GOLGA8B: variants seen among roughly 807,000 people sequenced by gnomAD.
The protein encoded by GOLGA8B is golgin A8 family member B.
GOLGA8B carries 1 observed loss-of-function variant against 15.6 expected under a neutral mutation model. The ratio of observed to expected loss-of-function variants is 0.06; its 90% CI spans 0.02 to 0.30. The LOEUF (loss-of-function observed/expected upper bound fraction) is 0.30, where lower values mean the gene tolerates loss of function less well. GOLGA8B is among the 10% of genes least tolerant of loss of function. The pLI, the probability that GOLGA8B is intolerant of heterozygous loss-of-function variation, is 1.00. For synonymous variants in GOLGA8B, 9 were observed against 80.3 expected, an observed-to-expected ratio of 0.11 and a Z score of 4.75; for missense variants, 17 against 201.3, an observed-to-expected ratio of 0.08 and a Z score of 5.54.
intron 1 of GOLGA8B, among the ~76,000 whole-genome samples, chr15:34,581,208 G>C (rs907059723): frequency 2.6e-5 from 4 of 152,352 alleles, no homozygotes; most frequent in Middle Eastern, 3.4e-3. Flanking sequence ...AGGTATGCGT[G>C]GCAGAGGACA....
chr15:34,572,057 A>G (rs77133220), intron 1 of GOLGA8B, among the ~76,000 whole-genome samples: 1 of 152,264 alleles, frequency 6.6e-6, no homozygotes, highest in Non-Finnish European at 1.5e-5. Context: ...CACAGAAGAA[A>G]CAGCTTGTTA....
chr15:34,570,800 G>A (rs989991965), intron 1 of GOLGA8B, among the ~76,000 whole-genome samples: 2 of 104,280 alleles, frequency 1.9e-5, no homozygotes, highest in African/African-American at 6.5e-5. Context: ...AAGAGGAGGG[G>A]ATGATCCCAG....
At chr15:34,563,951 C>T (rs1411266914) in intron 1 of GOLGA8B, among the ~76,000 whole-genome samples, 2 of 137,914 alleles carry the variant, frequency 1.5e-5, no homozygotes, top group Non-Finnish European at 1.6e-5. Context: ...ATTTCATTTC[C>T]GTACCAATGG....
intron 1 of GOLGA8B, chr15:34,556,530 CAGG>C (rs1311621806): frequency 3.0e-5 from 30 of 1,013,352 alleles, no homozygotes; most frequent in African/African-American, 6.4e-5. Context: ...CCTGGAGGAC[CAGG>C]AGGAGGACAT....
intron 1 of GOLGA8B, among the ~76,000 whole-genome samples, chr15:34,582,225 C>T (rs1035690291): frequency 6.6e-6 from 1 of 152,294 alleles, no homozygotes; most frequent in Admixed American, 6.5e-5. Context: ...ACCCCTGCCT[C>T]ACCTCACTGG....
At chr15:34,571,190 G>T (rs989959266) in intron 1 of GOLGA8B, among the ~76,000 whole-genome samples, 1 of 152,112 alleles carries the variant, frequency 6.6e-6, no homozygotes. Context: ...GCCAGGCGTG[G>T]TGGACCCTAC....
chr15:34,568,955 G>A (rs62006250), intron 1 of GOLGA8B, among the ~76,000 whole-genome samples: 48,620 of 142,204 alleles, frequency 0.34, 7,273 homozygotes, highest in Admixed American at 0.42. Context: ...GCTCTCTCTC[G>A]CTCTCGCTCT....
intron 1 of GOLGA8B, among the ~76,000 whole-genome samples, chr15:34,576,215 C>T (rs536556649): frequency 1.1e-4 from 16 of 152,296 alleles, no homozygotes; most frequent in South Asian, 4.1e-4. Context: ...GGGTCCCCCA[C>T]GGCAGCTCCC....
intron 1 of GOLGA8B, among the ~76,000 whole-genome samples, chr15:34,573,035 A>G (rs200018432): frequency 0.068 from 10,133 of 148,144 alleles, no homozygotes; most frequent in South Asian, 0.17. Context: ...GGATTGCCTG[A>G]GCCCAGGAGT....
chr15:34,565,005 T>C lies in GOLGA8B; in HGVS notation c.-1122-11049A>G, dbSNP rs1474840165. Among the ~76,000 whole-genome samples, 10 of 144,048 alleles carry C rather than the reference T, an allele frequency of 6.9e-5. 1 individual carries two copies. Among genetic ancestry groups the C allele is most frequent in the African/African-American group, 2.2e-4 (9 of 40,512 alleles). 94.5% of individuals were successfully genotyped at this position (144,048 alleles called of 152,430 possible). On this transcript the variant is annotated intron_variant, in intron 1 of 23. Transcript: ENST00000683415. Reference sequence around the variant, plus strand: ...CTGGCAGCAGGACGGCCTGTGCCCATGTTTCAGCTGAGAGCCGGGTGGGTG... The same window carrying C: ...CTGGCAGCAGGACGGCCTGTGCCCACGTTTCAGCTGAGAGCCGGGTGGGTG...
intron 1 of GOLGA8B, among the ~76,000 whole-genome samples, chr15:34,559,658 CT>C (rs1888575056): frequency 2.0e-5 from 2 of 101,816 alleles, no homozygotes; most frequent in African/African-American, 8.7e-5. Context: ...AGCCAGATCT[CT>C]TGTGAACTCA....
At chr15:34,576,802 C>G (rs145981695) in intron 1 of GOLGA8B, among the ~76,000 whole-genome samples, 1 of 152,196 alleles carries the variant, frequency 6.6e-6, no homozygotes, top group East Asian at 1.9e-4. Context: ...TTCACGCGTA[C>G]CAGCCAGAAT....
intron 1 of GOLGA8B, among the ~76,000 whole-genome samples, chr15:34,576,520 C>T (rs1473408780): frequency 6.6e-6 from 1 of 152,212 alleles, no homozygotes; most frequent in Non-Finnish European, 1.5e-5. Flanking sequence ...CGATGACATG[C>T]TCCTCTCCAG....
intron 1 of GOLGA8B, among the ~76,000 whole-genome samples, chr15:34,576,814 A>G (rs570719056): frequency 6.6e-6 from 1 of 152,350 alleles, no homozygotes; most frequent in South Asian, 2.1e-4. Context: ...AGCCAGAATC[A>G]GTTAGAGGCT....
At position 34,550,906 on chromosome 15, in the gene GOLGA8B, G is replaced by A. The variant is rs565708496; in HGVS notation, c.-575+232C>T. 6.9e-5 allele frequency among the ~76,000 whole-genome samples: 7 copies of A among 100,908 alleles called. 1 individual carries two copies. Among genetic ancestry groups the A allele is most frequent in the Non-Finnish European group, 1.2e-4 (6 of 49,478 alleles). The allele number at this position is 100,908 out of a possible 152,430, so 66.2% of individuals were successfully genotyped here. The stretch of plus-strand genomic sequence containing the variant: ...GACACTTGGGAGGGTGAGGCAGGAG[G>A]ATCACTGGAGCCCAGGAGATCAAGG... On this transcript the variant is annotated intron_variant, in intron 4 of 23. Coordinates refer to ENST00000683415, the MANE Select transcript of GOLGA8B (RefSeq NM_001023567.5).
intron 1 of GOLGA8B, among the ~76,000 whole-genome samples, chr15:34,564,441 C>T (rs1448801814): frequency 1.4e-5 from 2 of 145,494 alleles, no homozygotes; most frequent in South Asian, 2.2e-4. Context: ...CTTTTTGCAT[C>T]ATATTCACAT....
chr15:34,581,419 C>A (rs1272654279), intron 1 of GOLGA8B: 2 of 152,232 alleles, frequency 1.3e-5, no homozygotes, highest in Non-Finnish European at 2.9e-5. Context: ...GGTGTCTTAT[C>A]CCATCTCTAA....
At chr15:34,573,050 G>A (rs1281899245) in intron 1 of GOLGA8B, among the ~76,000 whole-genome samples, 1 of 152,188 alleles carries the variant, frequency 6.6e-6, no homozygotes, top group Non-Finnish European at 1.5e-5. Context: ...AGGAGTTCAA[G>A]TCCAGCCTAG....
At chr15:34,573,611 C>T (rs942998434) in intron 1 of GOLGA8B, among the ~76,000 whole-genome samples, 1 of 150,724 alleles carries the variant, frequency 6.6e-6, no homozygotes, top group Non-Finnish European at 1.5e-5. Flanking sequence ...AGAAAATAAT[C>T]GAGTCCGTTT....
Sources: allele counts gnomAD v4.1 joint callset (sites outside exome capture counted in the v4.1 genomes callset), GRCh38; gene constraint gnomAD v4.1.1; transcripts MANE v1.5; gene names NCBI Gene and HGNC (gene_info 2026-07-23, HGNC 2026-07-21).